Variants in POLG observed in about 807,000 individuals in gnomAD.
POLG encodes DNA polymerase gamma, catalytic subunit.
Under a neutral mutation model 155.4 loss-of-function variants are expected in POLG, and 110 were observed. The observed-to-expected ratio is 0.71, with a 90% confidence interval of 0.61 to 0.83. The LOEUF (loss-of-function observed/expected upper bound fraction) is 0.83, where lower values mean the gene tolerates loss of function less well. Among genes scored for constraint, POLG ranks in the 40% least tolerant of loss-of-function variants. The pLI is 0.00. For synonymous variants in POLG, 701 were observed against 631.5 expected (o/e 1.11, Z -1.65); for missense variants, 1,685 against 1,627.5 (o/e 1.04, Z -0.61).
rs770642457 is a variant in POLG, at chr15:89,326,914, T to C, written c.1583A>G (p.Glu528Gly). 1 of 1,613,888 alleles carries C rather than the reference T, an allele frequency of 6.2e-7. No individual in the cohort carries two copies. Among genetic ancestry groups the C allele is most frequent in the African/African-American group, 1.3e-5 (1 of 74,894 alleles). Reference protein sequence around the residue: ...AGAPGDPMDQEDLGPCSEEEE... With the variant: ...AGAPGDPMDQGDLGPCSEEEE... ...TACCTCCCACCCATGCTCCCCACCTTCCTGATCCATGGGATCACCAGGGGC... is the reference window on the plus strand; with the variant it reads ...TACCTCCCACCCATGCTCCCCACCTCCCTGATCCATGGGATCACCAGGGGC... The change falls in exon 8 of 23, where the codon GAA becomes GGA. Residue 528 changes from glutamate to glycine, a missense_variant and splice_region_variant. Coordinates refer to ENST00000268124, the MANE Select transcript of POLG (RefSeq NM_002693.3).
At position 89,323,815 on chromosome 15, in the gene POLG, C is replaced by T. The variant is rs2055432894; in HGVS notation, c.2157G>A (p.Leu719=). The change falls in exon 12 of 23, where the codon CTG becomes CTA. Residue 719 remains leucine (L), a splice_region_variant and synonymous_variant. Coordinates refer to ENST00000268124, the MANE Select transcript of POLG (RefSeq NM_002693.3). ...RAAVPGQPLA[L]TARGGPKDTQ... ...GAACCCAAGCCGGCGCACTGCTCAC[C>T]AGAGCTAGGGGTTGACCTGGCACTG... 2 of 1,613,188 alleles carry T rather than the reference C, an allele frequency of 1.2e-6. No individual in the cohort carries two copies. The highest frequency in any genetic ancestry group is 1.7e-6 in the Non-Finnish European group (2 of 1,179,118).
chr15:89,326,417 G>C (rs2055518162), intron 9 of POLG, among the ~76,000 whole-genome samples, 195 bp downstream of exon 9: 1 of 152,214 alleles, frequency 6.6e-6, no homozygotes, highest in African/African-American at 2.4e-5. Context: ...TCACAACACT[G>C]TGCTGAATGA....
chr15:89,326,517 C>T, intron 9 of POLG, 95 bp downstream of exon 9: 1 of 1,361,684 alleles, frequency 7.3e-7, no homozygotes, highest in Non-Finnish European at 1.0e-6. Context: ...TATACATGTG[C>T]ATGATGCCTC....
At chr15:89,318,294 C>G (rs570613079) in intron 21 of POLG, among the ~76,000 whole-genome samples, 11 of 152,226 alleles carry the variant, frequency 7.2e-5, no homozygotes, top group Non-Finnish European at 1.2e-4. Flanking sequence ...CCTAACCTCA[C>G]TGCTTCCCTC....
In POLG at chr15:89,318,700, T is replaced by A. The variant is rs765949668; in HGVS notation, c.3323A>T (p.Tyr1108Phe). The change falls in exon 21 of 23, where the codon TAC (tyrosine) becomes TTC (phenylalanine). Residue 1108 changes from tyrosine (Y) to phenylalanine (F), a missense_variant. Physicochemically the swap from Tyr to Phe is conservative, Grantham distance 22 (BLOSUM62 3). Around this residue, in one of 3 missense-constraint regions of POLG, gnomAD observed 470 missense variants for 439.9 expected, o/e 1.07. Coordinates refer to ENST00000268124, the MANE Select transcript of POLG (RefSeq NM_002693.3). ...NWVVQSSAVD[Y>F]LHLMLVAMKW... ...CATGGCCACAAGCATGAGGTGTAAG[T>A]AGTCAACAGCAGAGCTCTGTACCAC... 1.4e-5 allele frequency: 22 copies of A among 1,614,022 alleles called. No individual in the cohort carries two copies. The Admixed American group carries it at 3.7e-4, about 27-fold the overall frequency.
In POLG at chr15:89,330,190, A is replaced by G; in HGVS notation, c.746T>C (p.Val249Ala). Residue 249 changes from valine (V) to alanine (A), a missense_variant, in exon 3 of 23, where the codon GTC becomes GCC. By Grantham distance (64) the Val-to-Ala change is moderately conservative (BLOSUM62 0). This residue lies in a region of POLG where 1,210 missense variants were observed against 1,167.1 expected (regional missense o/e 1.04). Coordinates refer to ENST00000268124, the MANE Select transcript of POLG (RefSeq NM_002693.3). ...LSPADLIPLE[V>A]PTGASSPTQR... ...GGTGGGGCTGCTGGCACCAGTAGGG[A>G]CCTCCAGGGGGATGAGGTCAGCCGG... The G allele has an allele frequency of 6.2e-7, 1 of 1,613,520 alleles. No homozygotes were observed. Among genetic ancestry groups the G allele is most frequent in the Non-Finnish European group, 8.5e-7 (1 of 1,179,866 alleles).
In POLG at chr15:89,328,684, C is replaced by A; in HGVS notation, c.1170+1G>T. On this transcript the variant is annotated splice_donor_variant, in intron 5 of 22. Transcript: ENST00000268124. LOFTEE classifies it high-confidence loss of function. ...CCCCAGAGCCCCCTCCAGCACCATACCTGGAAGTTCTCACGAATGTCCTTC... is the reference window on the plus strand; with the variant it reads ...CCCCAGAGCCCCCTCCAGCACCATAACTGGAAGTTCTCACGAATGTCCTTC... 1 of 1,614,104 alleles carries A rather than the reference C, an allele frequency of 6.2e-7. No homozygotes were observed. The highest frequency in any genetic ancestry group is 8.5e-7 in the Non-Finnish European group (1 of 1,180,026).
At position 89,318,912 on chromosome 15, in the gene POLG, T is replaced by C. The variant is rs376643556; in HGVS notation, c.3273+19A>G. 50 of 1,613,806 alleles carry C rather than the reference T, an allele frequency of 3.1e-5. No homozygotes were observed. The African/African-American group carries it at 6.3e-4, about 20-fold the overall frequency. On this transcript the variant is annotated intron_variant, in intron 20 of 22. Coordinates refer to ENST00000268124, the MANE Select transcript of POLG (RefSeq NM_002693.3). ...CTCCCTGGGGCCCCTCTGCCCATGC[T>C]CCAAAGGTAGCAAGATACCTCTTCC...
At position 89,319,115 on chromosome 15, in the gene POLG, CAG is replaced by C. The variant is rs768362053; in HGVS notation, c.3105-18_3105-17del. ...CCACTGTGACCTAAGGGACCAGAAACAGAGGGCAGACTTTGTCTTTCAGCATC... is the reference window on the plus strand; with the variant it reads ...CCACTGTGACCTAAGGGACCAGAAACAGGGCAGACTTTGTCTTTCAGCATC... On this transcript the variant is annotated splice_polypyrimidine_tract_variant and intron_variant, in intron 19 of 22. Transcript: ENST00000268124. 7.4e-6 allele frequency: 12 copies of C among 1,611,908 alleles called. No homozygotes were observed. The highest frequency in any genetic ancestry group is 1.4e-5 in the African/African-American group (1 of 73,006).
At position 89,317,357 on chromosome 15, in the gene POLG, A is replaced by ACAAATGTGTTGTGCTCACC; in HGVS notation, c.3643_3643+18dup. 1 of 1,613,344 alleles carries ACAAATGTGTTGTGCTCACC rather than the reference A, an allele frequency of 6.2e-7. No individual in the cohort carries two copies. The highest frequency in any genetic ancestry group is 1.1e-5 in the South Asian group (1 of 91,062). ...CCTCAGATCCTATGTGTAATGAGGA[A>ACAAATGTGTTGTGCTCACC]CAAATGTGTTGTGCTCACCCTGGGG... is the stretch of plus-strand genomic sequence containing the variant. On this transcript the variant is annotated intron_variant, in intron 22 of 22. Transcript: ENST00000268124.
intron 22 of POLG, 135 bp downstream of exon 22, chr15:89,317,241 A>C (rs2055301911): frequency 2.6e-6 from 2 of 768,752 alleles, no homozygotes; most frequent in Admixed American, 2.0e-5. Context: ...GCACCTTATA[A>C]ACTGAAATTA....
chr15:89,316,896 A>G (rs949675645), intron 22 of POLG, 69 bp from the exon 23 acceptor site: 1 of 1,121,400 alleles, frequency 8.9e-7, no homozygotes, highest in Non-Finnish European at 1.4e-6. Flanking sequence ...GAAGTGAGCA[A>G]AGGAGCTTAA....
intron 2 of POLG, among the ~76,000 whole-genome samples, chr15:89,331,784 A>G: frequency 9.5e-6 from 1 of 105,412 alleles, no homozygotes. Context: ...ACCCCCACCC[A>G]CCAGTCAGAC....
rs551691801 is a variant in POLG at position 89,324,271 on chromosome 15, G to A, written c.1950-44C>T. The A allele has an allele frequency of 1.9e-6, 3 of 1,605,284 alleles. No homozygotes were observed. In the African/African-American group the frequency reaches 4.0e-5, roughly 21 times the overall value. ...CAGCAGCAGCCGCTGATTACCAGAT[G>A]CCCACTCTGGGCCAGGCAGCTTGCT... On this transcript the variant is annotated intron_variant, in intron 10 of 22. Coordinates refer to ENST00000268124, the MANE Select transcript of POLG (RefSeq NM_002693.3).
intron 18 of POLG, among the ~76,000 whole-genome samples, chr15:89,319,653 T>A (rs2055365299): frequency 6.6e-6 from 1 of 152,188 alleles, no homozygotes; most frequent in Non-Finnish European, 1.5e-5. Flanking sequence ...ACTGTCCTGT[T>A]TCTTTAGACA....
chr15:89,327,420 T>C, intron 6 of POLG, 71 bp from the exon 7 acceptor site: 2 of 1,448,816 alleles, frequency 1.4e-6, no homozygotes, highest in Non-Finnish European at 1.9e-6. Context: ...CCTGAGCTGG[T>C]TTAGCAAGCC....
At position 89,333,578 on chromosome 15, in the gene POLG, C is replaced by CGGCTGCTGA. The variant is rs771937417; in HGVS notation, c.168_176dup (p.Gln58_Gln60dup). The CGGCTGCTGA allele has an allele frequency of 1.2e-5, 19 of 1,609,472 alleles. No homozygotes were observed. The highest frequency in any genetic ancestry group is 6.7e-5 in the East Asian group (3 of 44,864). On this transcript the variant is annotated inframe_insertion, in exon 2 of 23. Coordinates refer to ENST00000268124, the MANE Select transcript of POLG (RefSeq NM_002693.3). ...GCCCGCCCTCCGAGGATAGCACTTGCGGCTGCTGAGGCTGCTGTTGCTGCT... is the reference window on the plus strand; with the variant it reads ...GCCCGCCCTCCGAGGATAGCACTTGCGGCTGCTGAGGCTGCTGAGGCTGCTGTTGCTGCT...
At position 89,321,741 on chromosome 15, in the gene POLG, C is replaced by A. The variant is rs1596352780; in HGVS notation, c.2593G>T (p.Ala865Ser). Residue 865 changes from alanine (A) to serine (S), a missense_variant, in exon 16 of 23, where the codon GCC becomes TCC. Physicochemically the swap from Ala to Ser is moderately conservative, Grantham distance 99 (BLOSUM62 1). This residue lies in a region of POLG where 1,210 missense variants were observed against 1,167.1 expected (regional missense o/e 1.04). Transcript: ENST00000268124. ...GAGGTACAGAGGTCACATACCCGGG[C>A]ATTGCTGGCGGTGAGCCATGTGGGC... is the stretch of plus-strand genomic sequence containing the variant. ...VEPTWLTASN[A>S]RPDRVGSELK... The A allele has an allele frequency of 6.2e-7, 1 of 1,611,036 alleles. No individual in the cohort carries two copies.
At chr15:89,329,981 A>G in intron 3 of POLG, 100 bp downstream of exon 3, 1 of 1,031,398 alleles carries the variant, frequency 9.7e-7, no homozygotes, top group Non-Finnish European at 1.5e-6. Context: ...CAAAGGCAAC[A>G]GAGACACGTG....
Sources: allele counts gnomAD v4.1 joint callset (sites outside exome capture counted in the v4.1 genomes callset), GRCh38; gene constraint gnomAD v4.1.1; regional missense constraint gnomAD v4.1.1; transcripts MANE v1.5; gene names NCBI Gene and HGNC (gene_info 2026-07-23, HGNC 2026-07-21).